Variants in WDR86 observed in about 807,000 individuals in gnomAD.
The protein encoded by WDR86 is WD repeat-containing protein 86.
WDR86 carries 30 observed loss-of-function variants against 36.5 expected under a neutral mutation model. The ratio of observed to expected loss-of-function variants is 0.82; its 90% CI spans 0.61 to 1.11. The LOEUF is 1.11. WDR86 is among the 50% of genes most tolerant of loss of function. WDR86 has a pLI of 0.00. For synonymous variants in WDR86, 255 were observed against 252.9 expected (o/e 1.01, Z -0.08); for missense variants, 545 against 561.2 (o/e 0.97, Z 0.29).
chr7:151,394,076 G>A (rs1799632342), intron 3 of WDR86, among the ~76,000 whole-genome samples: 1 of 152,154 alleles, frequency 6.6e-6, no homozygotes, highest in Admixed American at 6.5e-5. Flanking sequence ...GGAAACCTGT[G>A]CGGACAGACC....
Position 151,409,658 on chromosome 7 carries a change from G to A in WDR86, c.-69C>T. 7.6e-7 allele frequency: 1 copy of A among 1,316,786 alleles called. No individual in the cohort carries two copies. The highest frequency in any genetic ancestry group is 9.6e-7 in the Non-Finnish European group (1 of 1,037,166). 81.6% of individuals were successfully genotyped at this position (1,316,786 alleles called of 1,614,324 possible). On this transcript the variant is annotated 5_prime_UTR_variant, in exon 1 of 6. Transcript: ENST00000334493. This position sits in a 1 kb window ranked among gnomAD's most constrained non-coding sequence, Gnocchi z 5.2. ...GGGAGGGGCGCCCCGGGGTCCGCGC[G>A]GCGGCTCCGTACGACTGCGGCCCGC... is the stretch of plus-strand genomic sequence containing the variant.
At chr7:151,386,982 G>A (rs140246704) in intron 3 of WDR86, among the ~76,000 whole-genome samples, 4 of 152,260 alleles carry the variant, frequency 2.6e-5, no homozygotes, top group Non-Finnish European at 5.9e-5. Context: ...TCTTCGCACC[G>A]CCCCCAGGGC....
In WDR86 at chr7:151,409,702, G is replaced by A; in HGVS notation, c.-113C>T. ...GGCCCGCGGCCATCGCGGGGAACGGGGAGCCCGACTCCTGCGGAGGCACGC... is the reference window on the plus strand; with the variant it reads ...GGCCCGCGGCCATCGCGGGGAACGGAGAGCCCGACTCCTGCGGAGGCACGC... On this transcript the variant is annotated 5_prime_UTR_variant, in exon 1 of 6. Coordinates refer to ENST00000334493, the MANE Select transcript of WDR86 (RefSeq NM_198285.3). The surrounding 1 kb of genome is among the most constrained non-coding windows in gnomAD (Gnocchi z 5.2). The A allele has an allele frequency of 1.5e-6, 2 of 1,298,068 alleles. No homozygotes were observed. Among genetic ancestry groups the A allele is most frequent in the South Asian group, 2.4e-5 (1 of 41,468 alleles). 80.4% of individuals were successfully genotyped at this position (1,298,068 alleles called of 1,614,324 possible).
chr7:151,397,809 C>T (rs1169152887), intron 2 of WDR86, among the ~76,000 whole-genome samples: 4 of 110,634 alleles, frequency 3.6e-5, no homozygotes, highest in East Asian at 4.2e-4. Flanking sequence ...AAGGGCATAG[C>T]GGGAGGAAGA....
intron 3 of WDR86, among the ~76,000 whole-genome samples, chr7:151,386,823 C>T (rs1301948695): frequency 6.6e-6 from 1 of 152,176 alleles, no homozygotes; most frequent in African/African-American, 2.4e-5. Context: ...TCCTGGTTTC[C>T]ACTCCACACA....
chr7:151,385,216 T>C lies in WDR86; in HGVS notation c.734A>G (p.Asn245Ser). ...RGSVICLELV[N>S]RLVYSGSADR... ...CGCGCTGCCAGAGTACACGAGTCGG[T>C]TCACCAGCTGCGAGGAGGAGCAGGG... The change falls in exon 4 of 6, where the codon AAC (asparagine) becomes AGC (serine). Residue 245 changes from asparagine (N) to serine (S), a missense_variant. Asn to Ser is a conservative substitution (Grantham distance 46). Transcript: ENST00000334493. The C allele has an allele frequency of 6.2e-7, 1 of 1,611,772 alleles. No homozygotes were observed. The highest frequency in any genetic ancestry group is 1.7e-5 in the Admixed American group (1 of 60,020).
At chr7:151,383,159 A>C (rs6955769) in intron 4 of WDR86, among the ~76,000 whole-genome samples, 2,326 of 140,034 alleles carry the variant, frequency 0.017, 61 homozygotes, top group African/African-American at 0.058. Flanking sequence ...CTAATTTTAA[A>C]AAAAACGGGG....
chr7:151,402,070 A>AAAAAAAAAAATATATATAT, intron 1 of WDR86, among the ~76,000 whole-genome samples: 4 of 50,534 alleles, frequency 7.9e-5, no homozygotes, highest in Non-Finnish European at 1.3e-4. Context: ...AAAAAAAAAA[A>AAAAAAAAAAATATATATAT]ATATATATAT....
chr7:151,395,916 C>G lies in WDR86; in HGVS notation c.586G>C (p.Val196Leu). 6.2e-7 allele frequency: 1 copy of G among 1,600,570 alleles called. No homozygotes were observed. Among genetic ancestry groups the G allele is most frequent in the Non-Finnish European group, 8.5e-7 (1 of 1,176,490 alleles). Residue 196 changes from valine (V) to leucine (L), a missense_variant, in exon 3 of 6, where the codon GTG (valine) becomes CTG (leucine). Coordinates refer to ENST00000334493, the MANE Select transcript of WDR86 (RefSeq NM_198285.3). Reference sequence around the variant, plus strand: ...GGCGTGTCTAGCACTAGGCACAGCACTGCACCCGTGTGGCCCCGCAGCGTC... The same window carrying G: ...GGCGTGTCTAGCACTAGGCACAGCAGTGCACCCGTGTGGCCCCGCAGCGTC... ...HQTLRGHTGAVLCLVLDTPGH... is the reference protein window; with the variant it reads ...HQTLRGHTGALLCLVLDTPGH...
chr7:151,383,378 G>A (rs1397166502), intron 4 of WDR86, among the ~76,000 whole-genome samples: 2 of 151,634 alleles, frequency 1.3e-5, no homozygotes, highest in Non-Finnish European at 2.9e-5. Flanking sequence ...GGAGGCTGAG[G>A]CAGGAGAATC....
At chr7:151,376,296 C>G, downstream of WDR86, 4 of 476,200 alleles carry the variant, frequency 8.4e-6, no homozygotes, top group South Asian at 9.6e-5. Context: ...ACGGCTCTGT[C>G]CACATTTGTG....
chr7:151,405,440 T>C lies in WDR86; in HGVS notation c.163+3987A>G, dbSNP rs773008231. 1.3e-5 allele frequency among the ~76,000 whole-genome samples: 2 copies of C among 152,172 alleles called. No homozygotes were observed. The highest frequency in any genetic ancestry group is 2.9e-5 in the Non-Finnish European group (2 of 68,036). ...CGAGCCACGGCCACTGTGGTTCCCT[T>C]ATGCTCCACCTGCATTTTGCAGTGT... On this transcript the variant is annotated intron_variant, in intron 1 of 5. Coordinates refer to ENST00000334493, the MANE Select transcript of WDR86 (RefSeq NM_198285.3). This position sits in a 1 kb window ranked among gnomAD's most constrained non-coding sequence, Gnocchi z 4.7.
rs898628147 is a variant in WDR86 at position 151,401,068 on chromosome 7, C to A, written c.164-827G>T. Among the ~76,000 whole-genome samples the A allele has an allele frequency of 1.5e-4, 23 of 152,332 alleles. No homozygotes were observed. Among genetic ancestry groups the A allele is most frequent in the African/African-American group, 5.5e-4 (23 of 41,568 alleles). ...CACCCAGAACATGCTTCCCAGCAAC[C>A]CCCTTGCCCACCTGCTCATGAATAA... On this transcript the variant is annotated intron_variant, in intron 1 of 5. Transcript: ENST00000334493. This position sits in a 1 kb window ranked among gnomAD's most constrained non-coding sequence, Gnocchi z 4.3.
downstream of WDR86, among the ~76,000 whole-genome samples, chr7:151,380,182 G>A (rs886745407): frequency 1.3e-5 from 2 of 152,278 alleles, no homozygotes; most frequent in Admixed American, 6.5e-5. Context: ...GGTGGGGGTC[G>A]GGGGCACTTT....
downstream of WDR86, chr7:151,381,084 G>C (rs1029896801): frequency 9.6e-6 from 11 of 1,146,386 alleles, no homozygotes; most frequent in Non-Finnish European, 1.2e-5. This position sits in a 1 kb window ranked among gnomAD's most constrained non-coding sequence, Gnocchi z 4.8. Context: ...AAAAGAAGCT[G>C]AGACTCAGTT....
At chr7:151,385,857 C>A (rs531377456) in intron 3 of WDR86, among the ~76,000 whole-genome samples, 3 of 152,126 alleles carry the variant, frequency 2.0e-5, no homozygotes, top group African/African-American at 7.2e-5. Context: ...CCAAGATGGA[C>A]GGGAGTAGCG....
chr7:151,405,979 C>T lies in WDR86; in HGVS notation c.163+3448G>A, dbSNP rs1800676839. ...TACCATTTTGGAAAATGTCACTCAT[C>T]TCATTGAACCAATAAAGTGCCCCCA... On this transcript the variant is annotated intron_variant, in intron 1 of 5. Transcript: ENST00000334493. This position sits in a 1 kb window ranked among gnomAD's most constrained non-coding sequence, Gnocchi z 4.7. Among the ~76,000 whole-genome samples, 1 of 152,200 alleles carries T rather than the reference C, an allele frequency of 6.6e-6. No homozygotes were observed. Among genetic ancestry groups the T allele is most frequent in the Non-Finnish European group, 1.5e-5 (1 of 68,030 alleles).
chr7:151,410,068 C>G (rs1037985324), upstream of WDR86: 3 of 986,712 alleles, frequency 3.0e-6, no homozygotes, highest in African/African-American at 3.5e-5. Flanking sequence ...GAGACCACCC[C>G]TCACCCGATC....
chr7:151,368,970 A>C, the WDR86 span: 1 of 1,319,234 alleles, frequency 7.6e-7, no homozygotes, highest in Non-Finnish European at 1.0e-6. Flanking sequence ...ATAACCAGGA[A>C]CTCTTTATTA....
Sources: gnomAD v4.1 joint callset for allele counts (sites outside exome capture counted in the v4.1 genomes callset) on GRCh38, gnomAD v4.1.1 for gene constraint, Gnocchi (gnomAD v3.1) non-coding constraint, MANE v1.5 for transcripts, NCBI Gene and HGNC (gene_info 2026-07-23, HGNC 2026-07-21) for gene names.